The following RIMS3 variants were observed in gnomAD, a reference collection of about 807,000 sequenced individuals.
RIMS3 encodes regulating synaptic membrane exocytosis protein 3.
Under a neutral mutation model 29.2 loss-of-function variants are expected in RIMS3, and 15 were observed. That is an observed-to-expected ratio of 0.51 (90% CI 0.34 to 0.79). RIMS3 has a LOEUF of 0.79. Ranked by LOEUF, RIMS3 falls within the 30% of genes least tolerant of loss-of-function variation. The probability of loss-of-function intolerance (pLI) is 0.01; values close to 1 mark genes in which losing one functional copy is unlikely to be tolerated. For missense variants in RIMS3, 342 were observed against 421.4 expected, an observed-to-expected ratio of 0.81 and a Z score of 1.65; for synonymous variants, 161 against 170.1, an observed-to-expected ratio of 0.95 and a Z score of 0.41.
chr1:40,629,357 G>A lies in RIMS3; in HGVS notation c.488C>T (p.Ala163Val), dbSNP rs1356511283. ...CAGCTGGCCACTCCGGTCCATGATGGCAATGTGCACATCTCCTGAAAGGAA... is the reference window on the plus strand; with the variant it reads ...CAGCTGGCCACTCCGGTCCATGATGACAATGTGCACATCTCCTGAAAGGAA... Reference protein sequence around the residue: ...ATPPMGDVHIAIMDRSGQLEV... With the variant: ...ATPPMGDVHIVIMDRSGQLEV... The change falls in exon 6 of 8, where the codon GCC (alanine) becomes GTC (valine). Residue 163 changes from alanine (A) to valine (V), a missense_variant. Ala to Val is a moderately conservative substitution (Grantham distance 64, BLOSUM62 0). Transcript: ENST00000372684. 1 of 1,613,940 alleles carries A rather than the reference G, an allele frequency of 6.2e-7. No homozygotes were observed. The highest frequency in any genetic ancestry group is 1.3e-5 in the African/African-American group (1 of 74,926).
intron 1 of RIMS3, among the ~76,000 whole-genome samples, chr1:40,649,307 G>A (rs866728765): frequency 5.9e-5 from 9 of 152,136 alleles, no homozygotes; most frequent in African/African-American, 2.2e-4. Context: ...GCAATCATAT[G>A]TGCACACCAC....
In RIMS3 at chr1:40,636,925, C is replaced by T. The variant is rs1294658219; in HGVS notation, c.218-868G>A. ...GGCATTGCAGTGTGGTCCCTCTAGA[C>T]ACCCTCTCCTCCTGGCGGGGGGCGG... On this transcript the variant is annotated intron_variant, in intron 3 of 7. Transcript: ENST00000372684. The surrounding 1 kb of genome is among the most constrained non-coding windows in gnomAD (Gnocchi z 4.2). Among the ~76,000 whole-genome samples, 1 of 152,230 alleles carries T rather than the reference C, an allele frequency of 6.6e-6. No individual in the cohort carries two copies. Among genetic ancestry groups the T allele is most frequent in the Non-Finnish European group, 1.5e-5 (1 of 68,034 alleles).
chr1:40,625,664 C>T lies in RIMS3; in HGVS notation c.*853G>A, dbSNP rs1349712043. On this transcript the variant is annotated 3_prime_UTR_variant, in exon 8 of 8. Transcript: ENST00000372684. ...TAACATGCCCTCTGTGGCTGCCTGC[C>T]CAGGCCCACTGGCAGAGCTCCTTCG... is the stretch of plus-strand genomic sequence containing the variant. The T allele has an allele frequency of 6.6e-6, 1 of 152,440 alleles. No individual in the cohort carries two copies. The highest frequency in any genetic ancestry group is 1.9e-4 in the East Asian group (1 of 5,180). The allele number at this position is 152,440 out of a possible 1,614,324, so 9.4% of individuals were successfully genotyped here. A position where few individuals can be genotyped will look rare whatever the true frequency, so the allele number is the denominator to read the frequency against.
chr1:40,680,335 T>TG, the RIMS3 span, among the ~76,000 whole-genome samples: 5 of 150,448 alleles, frequency 3.3e-5, no homozygotes, highest in East Asian at 1.9e-4. Context: ...AAATAGTTTT[T>TG]TTTTTTTTTT....
At chr1:40,652,809 G>A (rs920794304) in intron 1 of RIMS3, among the ~76,000 whole-genome samples, 1 of 152,218 alleles carries the variant, frequency 6.6e-6, no homozygotes, top group Non-Finnish European at 1.5e-5. Context: ...TGCAGAATCA[G>A]AAAGAAGCCT....
intron 5 of RIMS3, 62 bp from the exon 6 acceptor site, chr1:40,629,434 C>T (rs1278820872): frequency 1.5e-6 from 2 of 1,346,244 alleles, no homozygotes; most frequent in Admixed American, 1.7e-5. Context: ...CAGCCAGCTG[C>T]TGTACTGAAT....
At chr1:40,629,196 A>G in intron 6 of RIMS3, 75 bp downstream of exon 6, 1 of 1,304,770 alleles carries the variant, frequency 7.7e-7, no homozygotes, top group Non-Finnish European at 1.1e-6. Context: ...GGCCAGTGGG[A>G]GCTGAGGACC....
intron 2 of RIMS3, among the ~76,000 whole-genome samples, chr1:40,645,110 G>A (rs1379276465): frequency 6.6e-6 from 1 of 152,160 alleles, no homozygotes; most frequent in Admixed American, 6.5e-5. Flanking sequence ...CAGAGTCCTG[G>A]ATTGTATTTC....
chr1:40,640,835 C>T (rs553180922), intron 3 of RIMS3, among the ~76,000 whole-genome samples: 1 of 152,308 alleles, frequency 6.6e-6, no homozygotes, highest in Non-Finnish European at 1.5e-5. Flanking sequence ...GTGATGTACA[C>T]CTGCACACAT....
the RIMS3 span, chr1:40,691,635 G>C: frequency 4.7e-6 from 2 of 424,710 alleles, no homozygotes; most frequent in African/African-American, 4.2e-5. Context: ...AAGGAGCACA[G>C]CTTCTGCGCA....
the RIMS3 span, among the ~76,000 whole-genome samples, chr1:40,674,175 AG>A: frequency 6.6e-6 from 1 of 152,302 alleles, no homozygotes; most frequent in East Asian, 1.9e-4. Context: ...GAAGAAGAGG[AG>A]GAGGAAGAAG....
rs1287831597 is a variant in RIMS3 at position 40,624,779 on chromosome 1, G to T, written c.*1738C>A. The stretch of plus-strand genomic sequence containing the variant: ...GATGACCTATCCATAAGGCGCCACT[G>T]CCTCCATGCCCCTACAACTTTGGTT... On this transcript the variant is annotated 3_prime_UTR_variant, in exon 8 of 8. Coordinates refer to ENST00000372684, the MANE Select transcript of RIMS3 (RefSeq NM_014747.3). The T allele has an allele frequency of 3.9e-5, 6 of 152,648 alleles. No homozygotes were observed. The highest frequency in any genetic ancestry group is 1.3e-4 in the Admixed American group (2 of 15,280). The allele number at this position is 152,648 out of a possible 1,614,324, so 9.5% of individuals were successfully genotyped here.
rs999946654 is a variant in RIMS3 at position 40,624,817 on chromosome 1, C to T, written c.*1700G>A. On this transcript the variant is annotated 3_prime_UTR_variant, in exon 8 of 8. Transcript: ENST00000372684. ...TACAACTTTGGTTATGAATGGAGGC[C>T]CCAAGTCATTCAGACCCCAAGACCT... 2 of 152,528 alleles carry T rather than the reference C, an allele frequency of 1.3e-5. No homozygotes were observed. Among genetic ancestry groups the T allele is most frequent in the African/African-American group, 4.8e-5 (2 of 41,394 alleles). 9.4% of individuals were successfully genotyped at this position (152,528 alleles called of 1,614,324 possible). A position where few individuals can be genotyped will look rare whatever the true frequency, so the allele number is the denominator to read the frequency against.
intron 1 of RIMS3, among the ~76,000 whole-genome samples, chr1:40,648,946 C>T (rs749294626): frequency 6.6e-6 from 1 of 152,244 alleles, no homozygotes; most frequent in Non-Finnish European, 1.5e-5. Context: ...ATCTGTGCCC[C>T]TGTCAGAGGC....
intron 1 of RIMS3, among the ~76,000 whole-genome samples, chr1:40,656,812 GA>G (rs1642280745): frequency 6.8e-6 from 1 of 147,796 alleles, no homozygotes; most frequent in Non-Finnish European, 1.5e-5. Context: ...AGACACACTA[GA>G]AACTACACTG....
chr1:40,675,042 G>A, the RIMS3 span, among the ~76,000 whole-genome samples: 1 of 152,132 alleles, frequency 6.6e-6, no homozygotes, highest in Non-Finnish European at 1.5e-5. Context: ...GGGAGGATCA[G>A]TTAAGCCCAG....
the RIMS3 span, chr1:40,691,513 G>A: frequency 1.0e-4 from 31 of 303,924 alleles, 1 homozygote; most frequent in South Asian, 7.2e-4. Context: ...CCCCGAAAGG[G>A]GGCGGGGTCA....
chr1:40,631,482 G>A (rs1646488767), intron 5 of RIMS3, among the ~76,000 whole-genome samples: 1 of 152,230 alleles, frequency 6.6e-6, no homozygotes, highest in African/African-American at 2.4e-5. Flanking sequence ...AGACCAGCCT[G>A]GGCAACATGG....
At chr1:40,688,653 A>T in the RIMS3 span, among the ~76,000 whole-genome samples, 2 of 152,232 alleles carry the variant, frequency 1.3e-5, no homozygotes, top group Non-Finnish European at 2.9e-5. Flanking sequence ...TGTTGATCTT[A>T]AGAAGTATTT....
Sources: allele counts gnomAD v4.1 joint callset (sites outside exome capture counted in the v4.1 genomes callset), GRCh38; gene constraint gnomAD v4.1.1; non-coding constraint Gnocchi (gnomAD v3.1); transcripts MANE v1.5; gene names NCBI Gene and HGNC (gene_info 2026-07-23, HGNC 2026-07-21).